Variants in CDC42SE2 observed in about 807,000 individuals in gnomAD.
CDC42SE2 encodes the protein CDC42 small effector 2, also known as CDC42 small effector protein 2.
CDC42SE2 carries 3 observed loss-of-function variants against 11.5 expected under a neutral mutation model. The ratio of observed to expected loss-of-function variants is 0.26; its 90% CI spans 0.12 to 0.67. The LOEUF (loss-of-function observed/expected upper bound fraction) is 0.67. Ranked by LOEUF, CDC42SE2 falls within the 30% of genes least tolerant of loss-of-function variation. CDC42SE2 has a pLI of 0.80. For synonymous variants in CDC42SE2, 33 were observed against 34.8 expected (o/e 0.95, Z 0.18); for missense variants, 82 against 106.8 (o/e 0.77, Z 1.02).
chr5:131,303,265 G>C (rs547240290), intron 1 of CDC42SE2, among the ~76,000 whole-genome samples: 1 of 152,160 alleles, frequency 6.6e-6, no homozygotes, highest in South Asian at 2.1e-4. Context: ...ATTTGTCCCT[G>C]ACAGATCTGT....
intron 1 of CDC42SE2, among the ~76,000 whole-genome samples, chr5:131,287,470 CTTT>C (rs879882960): frequency 7.1e-6 from 1 of 141,376 alleles, no homozygotes; most frequent in Non-Finnish European, 1.6e-5. Flanking sequence ...TTTTCTTTTT[CTTT>C]TTTTTTTTTG....
chr5:131,274,287 T>C (rs1757056083), intron 1 of CDC42SE2, among the ~76,000 whole-genome samples: 1 of 152,170 alleles, frequency 6.6e-6, no homozygotes, highest in Non-Finnish European at 1.5e-5. Flanking sequence ...TCCTATTAAA[T>C]GTCAACTCCA....
intron 3 of CDC42SE2, among the ~76,000 whole-genome samples, chr5:131,373,169 T>C (rs1275965015): frequency 6.6e-6 from 1 of 152,222 alleles, no homozygotes; most frequent in African/African-American, 2.4e-5. Flanking sequence ...ACTGGGTTTA[T>C]ATGTATATTT....
chr5:131,318,072 C>T (rs1337072972), intron 2 of CDC42SE2, among the ~76,000 whole-genome samples: 1 of 152,080 alleles, frequency 6.6e-6, no homozygotes, highest in Non-Finnish European at 1.5e-5. Flanking sequence ...TCCCAAGTAG[C>T]TGGGACTACA....
chr5:131,307,642 A>C (rs2149721053), intron 1 of CDC42SE2, among the ~76,000 whole-genome samples: 1 of 152,288 alleles, frequency 6.6e-6, no homozygotes, highest in South Asian at 2.1e-4. Context: ...GAATTGCCAC[A>C]CTGACTTCCA....
chr5:131,316,974 T>C (rs1337177696), intron 2 of CDC42SE2, among the ~76,000 whole-genome samples: 1 of 152,240 alleles, frequency 6.6e-6, no homozygotes, highest in African/African-American at 2.4e-5. Flanking sequence ...CTTTATGAAG[T>C]CAAGGGGTAT....
the CDC42SE2 span, among the ~76,000 whole-genome samples, chr5:131,233,965 T>C: frequency 6.6e-5 from 10 of 152,156 alleles, no homozygotes; most frequent in Admixed American, 2.0e-4. Flanking sequence ...AATGACTTCA[T>C]GGATCAGACC....
At chr5:131,227,897 T>A in the CDC42SE2 span, among the ~76,000 whole-genome samples, 1 of 151,624 alleles carries the variant, frequency 6.6e-6, no homozygotes, top group Non-Finnish European at 1.5e-5. Context: ...AATACAAAAA[T>A]CATCCGGAGG....
At chr5:131,382,597 C>G (rs997454558) in intron 3 of CDC42SE2, among the ~76,000 whole-genome samples, 4 of 152,170 alleles carry the variant, frequency 2.6e-5, no homozygotes. Context: ...GAAGTATTCT[C>G]TGGTACCACC....
intron 3 of CDC42SE2, among the ~76,000 whole-genome samples, chr5:131,360,522 T>C (rs375945834): frequency 1.7e-3 from 258 of 152,374 alleles, no homozygotes; most frequent in African/African-American, 5.9e-3. Flanking sequence ...CCCACAGCTC[T>C]TTAGTTCATT....
chr5:131,347,826 G>A (rs550811811), intron 2 of CDC42SE2, among the ~76,000 whole-genome samples: 1 of 152,198 alleles, frequency 6.6e-6, no homozygotes, highest in Admixed American at 6.5e-5. Context: ...TTATCCCTGG[G>A]ATGCAAGGCT....
At chr5:131,262,168 T>TA (rs1491495055), upstream of CDC42SE2, among the ~76,000 whole-genome samples, 3 of 101,200 alleles carry the variant, frequency 3.0e-5, no homozygotes, top group African/African-American at 4.7e-4. Context: ...AATTTTCTGG[T>TA]TTTTTTTTTT....
chr5:131,392,711 C>CATCTT lies in CDC42SE2; in HGVS notation c.*1623_*1627dup, dbSNP rs1486984510. 3 of 152,304 alleles carry CATCTT rather than the reference C, an allele frequency of 2.0e-5. No individual in the cohort carries two copies. Among genetic ancestry groups the CATCTT allele is most frequent in the African/African-American group, 7.2e-5 (3 of 41,434 alleles). The allele number at this position is 152,304 out of a possible 1,614,324, so 9.4% of individuals were successfully genotyped here. A position where few individuals can be genotyped will look rare whatever the true frequency, so the allele number is the denominator to read the frequency against. ...CCTCCAGTCCAATCCTGAGCATCTT[C>CATCTT]ATCTTATTAATTAGCTGTTCGTTTC... On this transcript the variant is annotated 3_prime_UTR_variant, in exon 5 of 5. Transcript: ENST00000505065.
rs553980082 is a variant in CDC42SE2, at chr5:131,298,413, C to T, written c.-454-17563C>T. Among the ~76,000 whole-genome samples, 12 of 151,794 alleles carry T rather than the reference C, an allele frequency of 7.9e-5. No individual in the cohort carries two copies. The South Asian group carries it at 8.3e-4, about 11-fold the overall frequency. Reference sequence around the variant, plus strand: ...CTCGGATTACAGGCATGAGCCACCGCGCCCGGCATCTTTAAAATATTTTAT... The same window carrying T: ...CTCGGATTACAGGCATGAGCCACCGTGCCCGGCATCTTTAAAATATTTTAT... On this transcript the variant is annotated intron_variant, in intron 1 of 4. Coordinates refer to ENST00000505065, the MANE Select transcript of CDC42SE2 (RefSeq NM_001375635.1).
intron 1 of CDC42SE2, among the ~76,000 whole-genome samples, chr5:131,266,608 C>A (rs1350399502): frequency 6.6e-6 from 1 of 151,632 alleles, no homozygotes; most frequent in African/African-American, 2.4e-5. Flanking sequence ...TACAGACATG[C>A]GCCACTATGC....
At chr5:131,375,031 C>CT (rs371146670) in intron 3 of CDC42SE2, among the ~76,000 whole-genome samples, 3,038 of 138,612 alleles carry the variant, frequency 0.022, 59 homozygotes, top group African/African-American at 0.053. Flanking sequence ...TTCTCCCCTC[C>CT]TTTTTTTTTT....
the CDC42SE2 span, among the ~76,000 whole-genome samples, chr5:131,219,479 A>G: frequency 1.3e-5 from 2 of 152,156 alleles, no homozygotes; most frequent in African/African-American, 4.8e-5. Context: ...AAGTCTGGCC[A>G]TTTTTTCTAG....
upstream of CDC42SE2, chr5:131,261,562 T>C (rs1020017796): frequency 1.3e-5 from 2 of 152,154 alleles, no homozygotes; most frequent in African/African-American, 4.8e-5. Context: ...CTACAAAAAG[T>C]ATCATCCAGA....
rs542000932 is a variant in CDC42SE2, at chr5:131,268,843, T to G, written c.-455+4677T>G. Among the ~76,000 whole-genome samples the G allele has an allele frequency of 2.8e-3, 403 of 142,644 alleles. 3 individuals carry two copies. The highest frequency in any genetic ancestry group is 5.0e-3 in the Non-Finnish European group (330 of 66,588). 93.6% of individuals were successfully genotyped at this position (142,644 alleles called of 152,430 possible). A position where few individuals can be genotyped will look rare whatever the true frequency, so the allele number is the denominator to read the frequency against. On this transcript the variant is annotated intron_variant, in intron 1 of 4. Transcript: ENST00000505065. ...TCGGCTTACTGCAACCTCTGCCTCC[T>G]GAGTTCAAGCAACTGTCCTCCCTCA...
Sources: gnomAD v4.1 joint callset for allele counts (sites outside exome capture counted in the v4.1 genomes callset) on GRCh38, gnomAD v4.1.1 for gene constraint, MANE v1.5 for transcripts, NCBI Gene and HGNC (gene_info 2026-07-23, HGNC 2026-07-21) for gene names.